The following THSD4 variants were observed in gnomAD, a reference collection of about 807,000 sequenced individuals.
The protein encoded by THSD4 is thrombospondin type 1 domain containing 4, also known as thrombospondin type-1 domain-containing protein 4.
In THSD4, 69 loss-of-function variants were observed where a neutral mutation model predicts 119.0. The observed-to-expected ratio is 0.58, with a 90% confidence interval of 0.48 to 0.71. The LOEUF (loss-of-function observed/expected upper bound fraction) is 0.71, where lower values mean the gene tolerates loss of function less well. THSD4 is among the 30% of genes least tolerant of loss of function. The pLI is 0.00. For missense variants in THSD4, 1,393 were observed against 1,391.1 expected, an observed-to-expected ratio of 1.00 and a Z score of -0.02; for synonymous variants, 524 against 540.4, an observed-to-expected ratio of 0.97 and a Z score of 0.42.
intron 8 of THSD4, among the ~76,000 whole-genome samples, chr15:71,716,581 T>TGTGTGTGTGTGTGTGTGTGTGTGG (rs1567116002): frequency 2.3e-5 from 1 of 43,336 alleles, no homozygotes; most frequent in South Asian, 2.0e-3. Flanking sequence ...TGTGTGTGTG[T>TGTGTGTGTGTGTGTGTGTGTGTGG]TGGTTTTTGT....
chr15:71,588,264 C>T (rs1334810647), intron 7 of THSD4, among the ~76,000 whole-genome samples: 4 of 147,272 alleles, frequency 2.7e-5, no homozygotes, highest in African/African-American at 1.0e-4. Flanking sequence ...CGAGATCGCG[C>T]CACTGCACTC....
intron 7 of THSD4, among the ~76,000 whole-genome samples, chr15:71,541,137 T>A (rs2048754625): frequency 6.6e-6 from 1 of 152,230 alleles, no homozygotes; most frequent in Non-Finnish European, 1.5e-5. Context: ...AATAGCCACA[T>A]TTTAAAAAGT....
chr15:71,494,894 C>T (rs1233712789), intron 7 of THSD4, among the ~76,000 whole-genome samples: 1 of 152,148 alleles, frequency 6.6e-6, no homozygotes, highest in African/African-American at 2.4e-5. Context: ...TTTTTGGCAT[C>T]TGTTTCTCTT....
intron 7 of THSD4, among the ~76,000 whole-genome samples, chr15:71,500,651 G>A (rs1193183909): frequency 6.6e-6 from 1 of 152,176 alleles, no homozygotes; most frequent in Non-Finnish European, 1.5e-5. Flanking sequence ...GTTAATTTTT[G>A]TACATAGTGT....
At chr15:71,706,926 G>A (rs2052403868) in intron 8 of THSD4, among the ~76,000 whole-genome samples, 1 of 152,170 alleles carries the variant, frequency 6.6e-6, no homozygotes, top group South Asian at 2.1e-4. Context: ...ATTGGAATAT[G>A]TTTCCTGGAG....
In THSD4 at chr15:71,476,043, G is replaced by A. The variant is rs578064387; in HGVS notation, c.1152+64220G>A. 6.3e-4 allele frequency among the ~76,000 whole-genome samples: 96 copies of A among 152,162 alleles called. 1 individual carries two copies. The highest frequency in any genetic ancestry group is 2.2e-3 in the African/African-American group (93 of 41,502). Reference sequence around the variant, plus strand: ...TTTAGGCAAGTTTATTAATCTTCTCGAGCCTCACCTTCTTTGTCTACAAAA... The same window carrying A: ...TTTAGGCAAGTTTATTAATCTTCTCAAGCCTCACCTTCTTTGTCTACAAAA... On this transcript the variant is annotated intron_variant, in intron 7 of 17. Coordinates refer to ENST00000261862, the MANE Select transcript of THSD4 (RefSeq NM_024817.3).
chr15:71,565,856 G>A (rs2049225918), intron 7 of THSD4, among the ~76,000 whole-genome samples: 1 of 152,208 alleles, frequency 6.6e-6, no homozygotes, highest in South Asian at 2.1e-4. Flanking sequence ...ATCATTAAGG[G>A]TTAGAGGCTC....
At chr15:71,624,998 TTTTG>T (rs57292672) in intron 7 of THSD4, among the ~76,000 whole-genome samples, 50,623 of 150,876 alleles carry the variant, frequency 0.34, 8,708 homozygotes, top group Middle Eastern at 0.4. Flanking sequence ...TTTGTTGTTG[TTTTG>T]TTTGTTTGTT....
Position 71,242,947 on chromosome 15 carries a change from G to T in THSD4, c.763G>T (p.Ala255Ser). 6.2e-7 allele frequency: 1 copy of T among 1,614,206 alleles called. No individual in the cohort carries two copies. The highest frequency in any genetic ancestry group is 1.1e-5 in the South Asian group (1 of 91,090). ...TTTGACCCATGATCAAGGCTACCCT[G>T]CAGCTTCAAGTCTCTTTCACAGCCC... Reference protein sequence around the residue: ...LPLTHDQGYPAASSLFHSPET... With the variant: ...LPLTHDQGYPSASSLFHSPET... The change falls in exon 5 of 18, where the codon GCA (alanine) becomes TCA (serine). Residue 255 changes from alanine to serine, a missense_variant. Coordinates refer to ENST00000261862, the MANE Select transcript of THSD4 (RefSeq NM_024817.3).
intron 7 of THSD4, among the ~76,000 whole-genome samples, chr15:71,571,515 C>T (rs887333105): frequency 6.6e-6 from 1 of 152,160 alleles, no homozygotes; most frequent in African/African-American, 2.4e-5. Flanking sequence ...ATGTGATTTC[C>T]ATGTTCCCAC....
At chr15:71,760,118 G>A (rs2053605597) in intron 15 of THSD4, among the ~76,000 whole-genome samples, 2 of 152,166 alleles carry the variant, frequency 1.3e-5, no homozygotes, top group Admixed American at 1.3e-4. Context: ...ATGAAAGTTG[G>A]TATTTCGAAT....
chr15:71,565,502 TACAG>T (rs1317591391), intron 7 of THSD4, among the ~76,000 whole-genome samples: 1 of 152,178 alleles, frequency 6.6e-6, no homozygotes, highest in Non-Finnish European at 1.5e-5. Flanking sequence ...AATTATGTGA[TACAG>T]ACAATTAGAA....
intron 6 of THSD4, among the ~76,000 whole-genome samples, chr15:71,405,843 A>G (rs2046597986): frequency 6.6e-6 from 1 of 152,230 alleles, no homozygotes; most frequent in Non-Finnish European, 1.5e-5. Flanking sequence ...GAGGTTTTCA[A>G]TGAATAAATC....
chr15:71,355,122 C>T (rs1596361403), intron 6 of THSD4, among the ~76,000 whole-genome samples: 1 of 152,314 alleles, frequency 6.6e-6, no homozygotes, highest in African/African-American at 2.4e-5. Context: ...CTTTCGTATC[C>T]ATCATGTTGT....
At chr15:71,139,695 G>T (rs1359942433) in intron 1 of THSD4, among the ~76,000 whole-genome samples, 1 of 152,210 alleles carries the variant, frequency 6.6e-6, no homozygotes, top group Non-Finnish European at 1.5e-5. Context: ...GAATGGAATT[G>T]TCTGGTTCTC....
chr15:71,534,008 G>A (rs2048653830), intron 7 of THSD4, among the ~76,000 whole-genome samples: 1 of 152,204 alleles, frequency 6.6e-6, no homozygotes, highest in African/African-American at 2.4e-5. Flanking sequence ...CACTTTCAGA[G>A]ACAGGGTCTT....
chr15:71,693,755 G>A (rs1269528696), intron 8 of THSD4, among the ~76,000 whole-genome samples: 1 of 152,130 alleles, frequency 6.6e-6, no homozygotes, highest in African/African-American at 2.4e-5. Flanking sequence ...CAAGTCTCCC[G>A]AGATTTGATG....
At chr15:71,727,553 A>T (rs7164886) in intron 8 of THSD4, among the ~76,000 whole-genome samples, 140 of 122,450 alleles carry the variant, frequency 1.1e-3, no homozygotes, top group African/African-American at 5.2e-3. Context: ...AAAAAAAAAA[A>T]ATATATATAT....
chr15:71,526,779 G>A (rs954488785), intron 7 of THSD4, among the ~76,000 whole-genome samples: 1 of 152,194 alleles, frequency 6.6e-6, no homozygotes, highest in African/African-American at 2.4e-5. Context: ...AAATTTTGAT[G>A]TGTATCTAAA....
Sources: allele counts gnomAD v4.1 joint callset (sites outside exome capture counted in the v4.1 genomes callset), GRCh38; gene constraint gnomAD v4.1.1; transcripts MANE v1.5; gene names NCBI Gene and HGNC (gene_info 2026-07-23, HGNC 2026-07-21).